Variants in FGD4 observed in about 807,000 individuals in gnomAD.
FGD4 encodes FYVE, RhoGEF and PH domain containing 4, also known as FYVE, RhoGEF and PH domain-containing protein 4.
A neutral mutation model predicts 102.0 loss-of-function variants in FGD4; 42 were observed. That is an observed-to-expected ratio of 0.41 (90% CI 0.32 to 0.53). The LOEUF is 0.53. Among genes scored for constraint, FGD4 ranks in the 20% least tolerant of loss-of-function variants. The probability of loss-of-function intolerance (pLI) is 0.21; values close to 1 mark genes in which losing one functional copy is unlikely to be tolerated. For missense variants in FGD4, 902 were observed against 1,078.2 expected (o/e 0.84, Z 2.29); for synonymous variants, 380 against 375.7 (o/e 1.01, Z -0.13).
rs755842788 is a variant in FGD4, at chr12:32,600,568, T to TTTTC, written c.1102-686_1102-683dup. 0.015 allele frequency: 6,800 copies of TTTTC among 459,528 alleles called. 654 individuals are homozygous for TTTTC. In the East Asian group the frequency reaches 0.33, roughly 22 times the overall value. 28.5% of individuals were successfully genotyped at this position (459,528 alleles called of 1,614,324 possible). A position where few individuals can be genotyped will look rare whatever the true frequency, so the allele number is the denominator to read the frequency against. ...GAAGGTTTGGGTTTTTGTTTTTTGT[T>TTTTC]TTTCTTTCTTTCTTTCTTTCTTTCT... On this transcript the variant is annotated intron_variant, in intron 5 of 16. Transcript: ENST00000534526.
At chr12:32,621,545 T>C (rs561469249) in intron 11 of FGD4, among the ~76,000 whole-genome samples, 2 of 152,338 alleles carry the variant, frequency 1.3e-5, no homozygotes, top group Non-Finnish European at 2.9e-5. Flanking sequence ...AGCTGAAATT[T>C]CAGATTTTAA....
intron 4 of FGD4, among the ~76,000 whole-genome samples, chr12:32,583,551 C>T (rs1003626283): frequency 6.6e-6 from 1 of 152,036 alleles, no homozygotes; most frequent in Non-Finnish European, 1.5e-5. Flanking sequence ...AATGAAGCAG[C>T]CATGGGTAAT....
chr12:32,493,820 A>T (rs575589780), intron 1 of FGD4, among the ~76,000 whole-genome samples: 3 of 152,350 alleles, frequency 2.0e-5, no homozygotes, highest in Non-Finnish European at 4.4e-5. Context: ...CTTAAACAAC[A>T]AACAAGCCAT....
At chr12:32,606,463 AT>A (rs11406211) in intron 7 of FGD4, among the ~76,000 whole-genome samples, 102 of 143,592 alleles carry the variant, frequency 7.1e-4, no homozygotes, top group East Asian at 8.1e-4. Context: ...TCCTCTACTT[AT>A]TTTTTTTTTT....
chr12:32,625,147 T>C (rs2136939761), intron 13 of FGD4, 79 bp downstream of exon 13: 6 of 1,226,928 alleles, frequency 4.9e-6, no homozygotes, highest in Middle Eastern at 4.8e-4. Context: ...CATTTTGTTC[T>C]CCAACCTTTT....
At chr12:32,437,435 G>A (rs1048323490) in intron 1 of FGD4, among the ~76,000 whole-genome samples, 3 of 152,312 alleles carry the variant, frequency 2.0e-5, no homozygotes, top group African/African-American at 7.2e-5. Context: ...CCTATACGAT[G>A]AGCGAGGCGA....
intron 1 of FGD4, among the ~76,000 whole-genome samples, chr12:32,510,422 G>A (rs1939239716): frequency 6.6e-6 from 1 of 152,098 alleles, no homozygotes; most frequent in Non-Finnish European, 1.5e-5. Context: ...AGAAATTCTA[G>A]TAATAACACT....
intron 1 of FGD4, among the ~76,000 whole-genome samples, chr12:32,427,786 T>C (rs1314915751): frequency 6.6e-6 from 1 of 152,250 alleles, no homozygotes; most frequent in African/African-American, 2.4e-5. Context: ...TTAGCTCTTC[T>C]TGTTGAATTG....
At chr12:32,408,307 T>C (rs1054020706) in intron 1 of FGD4, among the ~76,000 whole-genome samples, 2 of 152,076 alleles carry the variant, frequency 1.3e-5, no homozygotes. Flanking sequence ...TAGCTGGGAT[T>C]ACAGGCATGT....
intron 1 of FGD4, among the ~76,000 whole-genome samples, chr12:32,494,249 C>T (rs566496138): frequency 6.6e-6 from 1 of 152,194 alleles, no homozygotes; most frequent in South Asian, 2.1e-4. Context: ...GATGAGATCT[C>T]GCTATGTTGT....
chr12:32,415,231 T>C (rs1257109740), intron 1 of FGD4, among the ~76,000 whole-genome samples: 1 of 152,178 alleles, frequency 6.6e-6, no homozygotes, highest in Non-Finnish European at 1.5e-5. Flanking sequence ...ATGATCCATA[T>C]GCTCAGGAGG....
At chr12:32,521,112 G>T (rs980414745) in intron 1 of FGD4, among the ~76,000 whole-genome samples, 6 of 152,026 alleles carry the variant, frequency 3.9e-5, no homozygotes, top group Non-Finnish European at 8.8e-5. Context: ...TTGCAGGCTG[G>T]GCGCGGTGGT....
At chr12:32,446,715 A>G (rs534199916) in intron 1 of FGD4, among the ~76,000 whole-genome samples, 8 of 152,294 alleles carry the variant, frequency 5.3e-5, no homozygotes, top group Admixed American at 3.9e-4. Flanking sequence ...CCTGAGCCCT[A>G]TCAACAGCAT....
rs1951157724 is a variant in FGD4 at position 32,641,570 on chromosome 12, A to G, written c.*1037A>G. ...CAATCCTATAATTATTGCAGTAGTT[A>G]ACATCAGCATGTACAAACATTTTCA... On this transcript the variant is annotated 3_prime_UTR_variant, in exon 17 of 17. Transcript: ENST00000534526. 1 of 152,216 alleles carries G rather than the reference A, an allele frequency of 6.6e-6. No homozygotes were observed. Among genetic ancestry groups the G allele is most frequent in the African/African-American group, 2.4e-5 (1 of 41,462 alleles). The allele number at this position is 152,216 out of a possible 1,614,324, so 9.4% of individuals were successfully genotyped here.
At chr12:32,565,961 T>C (rs115829128) in intron 2 of FGD4, among the ~76,000 whole-genome samples, 2,130 of 152,312 alleles carry the variant, frequency 0.014, 44 homozygotes, top group African/African-American at 0.034. Context: ...AACCTCACCT[T>C]TCACCCTGCC....
chr12:32,559,268 T>G (rs1400958133), intron 1 of FGD4, among the ~76,000 whole-genome samples: 1 of 152,198 alleles, frequency 6.6e-6, no homozygotes, highest in African/African-American at 2.4e-5. Flanking sequence ...GCAGATGAAG[T>G]GTTTAATGAA....
intron 1 of FGD4, among the ~76,000 whole-genome samples, chr12:32,549,913 C>T (rs1943517753): frequency 6.6e-6 from 1 of 152,204 alleles, no homozygotes; most frequent in Non-Finnish European, 1.5e-5. Flanking sequence ...AGTGCCCCTG[C>T]CAGTTGTTTC....
intron 2 of FGD4, chr12:32,574,710 G>A (rs561854046): frequency 6.6e-6 from 1 of 152,128 alleles, no homozygotes; most frequent in South Asian, 2.1e-4. Flanking sequence ...TTGATAACTG[G>A]CACTGAAATG....
At position 32,500,398 on chromosome 12, in the gene FGD4, TTTTATTTTATTTTATTTTATTTTATTTTA is replaced by T. The variant is rs1565779555; in HGVS notation, c.167-63735_167-63707del. Among the ~76,000 whole-genome samples, 6 of 15,196 alleles carry T rather than the reference TTTTATTTTATTTTATTTTATTTTATTTTA, an allele frequency of 3.9e-4. No individual in the cohort carries two copies. The South Asian group carries it at 0.016, about 39-fold the overall frequency. 10.0% of individuals were successfully genotyped at this position (15,196 alleles called of 152,430 possible). A position where few individuals can be genotyped will look rare whatever the true frequency, so the allele number is the denominator to read the frequency against. The stretch of plus-strand genomic sequence containing the variant: ...CTGACCTTATTTTATTTTATTTTTA[TTTTATTTTATTTTATTTTATTTTATTTTA>T]TTTTATTTTATTTTATTTTATTTTG... On this transcript the variant is annotated intron_variant, in intron 1 of 16. Transcript: ENST00000534526.
Sources: gnomAD v4.1 joint callset for allele counts (sites outside exome capture counted in the v4.1 genomes callset) on GRCh38, gnomAD v4.1.1 for gene constraint, MANE v1.5 for transcripts, NCBI Gene and HGNC (gene_info 2026-07-23, HGNC 2026-07-21) for gene names.